The following FSIP1 variants were observed in gnomAD, a reference collection of about 807,000 sequenced individuals.
FSIP1 encodes the protein fibrous sheath interacting protein 1, also known as fibrous sheath-interacting protein 1.
In FSIP1, 65 loss-of-function variants were observed where a neutral mutation model predicts 60.9. The ratio of observed to expected loss-of-function variants is 1.07; its 90% confidence interval spans 0.87 to 1.31. The LOEUF (loss-of-function observed/expected upper bound fraction) is 1.31. Among genes scored for constraint, FSIP1 ranks in the 40% most tolerant of loss-of-function variants. The pLI is 0.00. For missense variants in FSIP1, 675 were observed against 665.5 expected (o/e 1.01, Z -0.16); for synonymous variants, 209 against 221.2 (o/e 0.94, Z 0.49).
chr15:39,601,886 G>A (rs1890653428), intron 11 of FSIP1, among the ~76,000 whole-genome samples: 1 of 146,378 alleles, frequency 6.8e-6, no homozygotes, highest in African/African-American at 2.6e-5. Context: ...CTAGGGCTGG[G>A]GTTGGGGAAA....
chr15:39,663,899 A>C (rs771177645), intron 10 of FSIP1, among the ~76,000 whole-genome samples: 10 of 152,254 alleles, frequency 6.6e-5, no homozygotes, highest in Non-Finnish European at 1.3e-4. Context: ...ATATTGTGCA[A>C]TGGAATGTAA....
At chr15:39,628,806 C>G (rs1891752292) in intron 10 of FSIP1, among the ~76,000 whole-genome samples, 1 of 152,200 alleles carries the variant, frequency 6.6e-6, no homozygotes, top group South Asian at 2.1e-4. Context: ...CTTAACCTTT[C>G]AAAGTCTCAG....
intron 7 of FSIP1, 41 bp downstream of exon 7, chr15:39,739,623 AT>A: frequency 6.4e-7 from 1 of 1,563,208 alleles, no homozygotes; most frequent in South Asian, 1.2e-5. Flanking sequence ...TTTTCAACTC[AT>A]TTAGCCCCAA....
chr15:39,618,329 T>A (rs749726142), intron 10 of FSIP1, 84 bp from the exon 11 acceptor site: 23 of 1,003,932 alleles, frequency 2.3e-5, no homozygotes, highest in Non-Finnish European at 3.1e-5. Flanking sequence ...AATACAAATA[T>A]AAATGCAAGT....
chr15:39,749,504 G>T (rs906120716), intron 5 of FSIP1, among the ~76,000 whole-genome samples: 10 of 152,112 alleles, frequency 6.6e-5, no homozygotes, highest in South Asian at 2.1e-4. Flanking sequence ...GGTAAGGGTG[G>T]TTTAACTTAT....
At chr15:39,690,090 T>C (rs1894535963) in intron 10 of FSIP1, among the ~76,000 whole-genome samples, 2 of 152,278 alleles carry the variant, frequency 1.3e-5, no homozygotes, top group South Asian at 2.1e-4. Context: ...TGTGCAAAGA[T>C]TCAGTGGCAT....
intron 10 of FSIP1, among the ~76,000 whole-genome samples, chr15:39,650,976 C>A (rs1595573871): frequency 6.6e-6 from 1 of 152,328 alleles, no homozygotes; most frequent in East Asian, 1.9e-4. Flanking sequence ...GCAATCACAG[C>A]AACAGCCACA....
intron 9 of FSIP1, among the ~76,000 whole-genome samples, chr15:39,713,795 G>T (rs910934723): frequency 6.6e-6 from 1 of 152,186 alleles, no homozygotes; most frequent in Admixed American, 6.5e-5. Context: ...CCCAACTTCT[G>T]TAATCATTTG....
intron 10 of FSIP1, among the ~76,000 whole-genome samples, chr15:39,657,867 G>T (rs987053064): frequency 6.6e-6 from 1 of 152,226 alleles, no homozygotes; most frequent in South Asian, 2.1e-4. Flanking sequence ...CTAAAGACTG[G>T]GATGACTGTA....
chr15:39,636,431 T>G (rs891113163), intron 10 of FSIP1, among the ~76,000 whole-genome samples: 3 of 152,226 alleles, frequency 2.0e-5, no homozygotes, highest in Non-Finnish European at 4.4e-5. Context: ...CTTGAGGCAT[T>G]CTGGGATCTA....
chr15:39,748,752 C>G (rs1223373971), intron 5 of FSIP1, among the ~76,000 whole-genome samples: 1 of 152,008 alleles, frequency 6.6e-6, no homozygotes, highest in Non-Finnish European at 1.5e-5. Context: ...CATTATGCTT[C>G]AAGGAACTGC....
chr15:39,667,251 AG>A (rs200934793), intron 10 of FSIP1, among the ~76,000 whole-genome samples: 3,128 of 152,246 alleles, frequency 0.021, 107 homozygotes, highest in African/African-American at 0.071. Flanking sequence ...AAGTACCATG[AG>A]TTTTTTTTAA....
intron 6 of FSIP1, among the ~76,000 whole-genome samples, chr15:39,740,788 G>A (rs773220735): frequency 3.9e-5 from 6 of 151,944 alleles, no homozygotes; most frequent in Admixed American, 6.6e-5. Context: ...GAAAATAGCT[G>A]GAAAGAACGA....
At chr15:39,687,130 TCTTTTCC>T (rs1187172872) in intron 10 of FSIP1, among the ~76,000 whole-genome samples, 2 of 136,016 alleles carry the variant, frequency 1.5e-5, no homozygotes, top group Non-Finnish European at 3.1e-5. Context: ...TTCTTTCTTT[TCTTTTCC>T]TTTTTTTTTT....
intron 5 of FSIP1, among the ~76,000 whole-genome samples, chr15:39,759,708 G>A (rs971525159): frequency 6.6e-6 from 1 of 152,146 alleles, no homozygotes; most frequent in South Asian, 2.1e-4. Flanking sequence ...GTTCCCTCCA[G>A]AGGTTCTAGA....
chr15:39,778,708 G>A (rs1018529345), intron 1 of FSIP1, among the ~76,000 whole-genome samples: 3 of 152,178 alleles, frequency 2.0e-5, no homozygotes, highest in African/African-American at 4.8e-5. Context: ...GAGTGTTCGT[G>A]AGGAGTGCAC....
intron 10 of FSIP1, among the ~76,000 whole-genome samples, chr15:39,682,916 A>G (rs905542986): frequency 3.9e-5 from 6 of 152,252 alleles, no homozygotes; most frequent in African/African-American, 7.2e-5. Context: ...CTCTTGCTAT[A>G]AATTAAAACA....
At chr15:39,771,443 G>T (rs1371420026) in intron 2 of FSIP1, among the ~76,000 whole-genome samples, 1 of 152,164 alleles carries the variant, frequency 6.6e-6, no homozygotes, top group Non-Finnish European at 1.5e-5. Context: ...ACAATCTGCA[G>T]TCCCCTCGTG....
chr15:39,676,389 G>A (rs1354373682), intron 10 of FSIP1, among the ~76,000 whole-genome samples: 5 of 152,174 alleles, frequency 3.3e-5, no homozygotes, highest in Middle Eastern at 3.4e-3. Context: ...TAATTTTTGG[G>A]CCCAGTAAGG....
Sources: gnomAD v4.1 joint callset for allele counts (sites outside exome capture counted in the v4.1 genomes callset) on GRCh38, gnomAD v4.1.1 for gene constraint, MANE v1.5 for transcripts, NCBI Gene and HGNC (gene_info 2026-07-23, HGNC 2026-07-21) for gene names.